The following IGSF5 variants were observed in gnomAD, a reference collection of about 807,000 sequenced individuals.
The protein encoded by IGSF5 is immunoglobulin superfamily member 5.
IGSF5 carries 41 observed loss-of-function variants against 39.4 expected under a neutral mutation model. That is an observed-to-expected ratio of 1.04 (90% confidence interval 0.81 to 1.35). The LOEUF (loss-of-function observed/expected upper bound fraction) is 1.35. Ranked by LOEUF, IGSF5 falls within the 40% of genes most tolerant of loss-of-function variation. The pLI is 0.00. For synonymous variants in IGSF5, 183 were observed against 175.3 expected (o/e 1.04, Z -0.34); for missense variants, 487 against 494.6 (o/e 0.98, Z 0.15).
In IGSF5 at chr21:39,765,392, GTGT is replaced by G. The variant is rs2080081415; in HGVS notation, c.101-141_101-139del. On this transcript the variant is annotated intron_variant, in intron 2 of 8. Transcript: ENST00000380588. ...GCACCTGATCTGCCAGGGAGAGCTG[GTGT>G]TCGGATTCAAAAGACACAGTCTGAG... 12 of 686,870 alleles carry G rather than the reference GTGT, an allele frequency of 1.7e-5. 1 individual carries two copies. In the South Asian group the frequency reaches 2.3e-4, roughly 13 times the overall value. The allele number at this position is 686,870 out of a possible 1,614,324, so 42.5% of individuals were successfully genotyped here.
the IGSF5 span, among the ~76,000 whole-genome samples, chr21:39,740,171 G>A: frequency 1.3e-5 from 2 of 152,214 alleles, no homozygotes; most frequent in Admixed American, 1.3e-4. Context: ...CTGGGGCTTG[G>A]TTTCCCAGAG....
the IGSF5 span, among the ~76,000 whole-genome samples, chr21:39,718,855 T>C: frequency 6.6e-6 from 1 of 152,206 alleles, no homozygotes; most frequent in South Asian, 2.1e-4. Context: ...AATATGATGC[T>C]GGCCTCATAG....
At chr21:39,748,302 T>TTC (rs386394766) in intron 2 of IGSF5, among the ~76,000 whole-genome samples, 1 of 17,988 alleles carries the variant, frequency 5.6e-5, no homozygotes, top group African/African-American at 6.9e-4. Flanking sequence ...AAACAAGATC[T>TTC]TTTTTTTTTT....
the IGSF5 span, among the ~76,000 whole-genome samples, chr21:39,720,998 A>G: frequency 6.6e-6 from 1 of 152,238 alleles, no homozygotes. Flanking sequence ...GGTGGATTGA[A>G]CTGCAGGTGG....
At chr21:39,793,058 A>G (rs1569259864) in intron 7 of IGSF5, among the ~76,000 whole-genome samples, 2 of 152,100 alleles carry the variant, frequency 1.3e-5, no homozygotes, top group Non-Finnish European at 1.5e-5. Flanking sequence ...TCCAGATTGC[A>G]TCTTTCAGAT....
At chr21:39,772,705 G>T (rs4818087) in intron 4 of IGSF5, among the ~76,000 whole-genome samples, 31,186 of 152,060 alleles carry the variant, frequency 0.21, 4,278 homozygotes, top group Non-Finnish European at 0.31. Context: ...ATTTGGGTCA[G>T]TTTGGATCAA....
At chr21:39,788,064 ATGTTGGGTC>A in intron 5 of IGSF5, 94 bp from the exon 6 acceptor site, 2 of 829,156 alleles carry the variant, frequency 2.4e-6, no homozygotes, top group South Asian at 3.3e-5. Flanking sequence ...ACAAATACTA[ATGTTGGGTC>A]TGTTAAAATA....
chr21:39,766,067 C>T (rs560851226), intron 3 of IGSF5, among the ~76,000 whole-genome samples: 1 of 152,278 alleles, frequency 6.6e-6, no homozygotes, highest in East Asian at 1.9e-4. Context: ...CTTCCCTTCT[C>T]CCCCTCTCTT....
intron 8 of IGSF5, among the ~76,000 whole-genome samples, chr21:39,798,360 C>T (rs922548859): frequency 3.9e-5 from 6 of 152,168 alleles, no homozygotes; most frequent in Non-Finnish European, 8.8e-5. Flanking sequence ...TGCTTGCCCA[C>T]CTGGAGTGGG....
intron 1 of IGSF5, 136 bp downstream of exon 1, chr21:39,745,662 G>A (rs1222348484): frequency 6.3e-6 from 4 of 635,166 alleles, no homozygotes; most frequent in Non-Finnish European, 1.1e-5. Flanking sequence ...AAAATTGAAA[G>A]TGGAAGCTGG....
In IGSF5 at chr21:39,745,777, C is replaced by T. The variant is rs370678577; in HGVS notation, c.17+251C>T. 9.8e-5 allele frequency among the ~76,000 whole-genome samples: 15 copies of T among 152,334 alleles called. No homozygotes were observed. The East Asian group carries it at 2.9e-3, about 29-fold the overall frequency. ...CTGAGTCTTAAGTCAGGCGGCCACG[C>T]TAATCGTTTTTAACTGGCCGACAGG... On this transcript the variant is annotated intron_variant, in intron 1 of 8. Coordinates refer to ENST00000380588, the MANE Select transcript of IGSF5 (RefSeq NM_001080444.2).
chr21:39,715,141 G>A, the IGSF5 span, among the ~76,000 whole-genome samples: 2 of 147,786 alleles, frequency 1.4e-5, no homozygotes, highest in African/African-American at 2.5e-5. Flanking sequence ...CTTTTGATAT[G>A]AAGTCTCACT....
chr21:39,737,547 C>T, the IGSF5 span, among the ~76,000 whole-genome samples: 1 of 152,282 alleles, frequency 6.6e-6, no homozygotes, highest in Non-Finnish European at 1.5e-5. Flanking sequence ...AATCCATTTG[C>T]TAGAATGACT....
intron 8 of IGSF5, among the ~76,000 whole-genome samples, chr21:39,798,164 G>C (rs462555): frequency 0.69 from 105,555 of 152,094 alleles, 38,921 homozygotes; most frequent in Non-Finnish European, 0.81. Context: ...CTTTTTAGGA[G>C]AACTCAATGT....
chr21:39,797,363 C>T (rs570927155), intron 8 of IGSF5, among the ~76,000 whole-genome samples: 4 of 151,952 alleles, frequency 2.6e-5, no homozygotes, highest in Admixed American at 6.6e-5. Flanking sequence ...GGATTATAGG[C>T]GTCTGCCACC....
chr21:39,794,188 G>A (rs2086981954), intron 8 of IGSF5, among the ~76,000 whole-genome samples: 1 of 152,212 alleles, frequency 6.6e-6, no homozygotes, highest in African/African-American at 2.4e-5. Context: ...TGATGATTAA[G>A]GATTATGGCC....
chr21:39,753,270 T>C (rs540434219), intron 2 of IGSF5, among the ~76,000 whole-genome samples: 59 of 152,338 alleles, frequency 3.9e-4, no homozygotes, highest in South Asian at 1.2e-3. Flanking sequence ...AATTTATTTT[T>C]TTTGTATGCT....
intron 4 of IGSF5, among the ~76,000 whole-genome samples, chr21:39,772,818 A>G (rs1454315982): frequency 1.3e-5 from 2 of 152,056 alleles, no homozygotes; most frequent in East Asian, 1.9e-4. Flanking sequence ...CAGGATGACA[A>G]TTTTCATTGG....
chr21:39,782,123 A>T (rs2080173826), intron 5 of IGSF5, among the ~76,000 whole-genome samples: 1 of 152,186 alleles, frequency 6.6e-6, no homozygotes, highest in South Asian at 2.1e-4. Flanking sequence ...TGCCACCTTT[A>T]TCAAACACTG....
Sources: gnomAD v4.1 joint callset for allele counts (sites outside exome capture counted in the v4.1 genomes callset) on GRCh38, gnomAD v4.1.1 for gene constraint, MANE v1.5 for transcripts, NCBI Gene and HGNC (gene_info 2026-07-23, HGNC 2026-07-21) for gene names.